IPO11: variants seen among roughly 807,000 people sequenced by gnomAD.
The protein encoded by IPO11 is importin-11.
A neutral mutation model predicts 143.2 loss-of-function variants in IPO11; 66 were observed. The ratio of observed to expected loss-of-function variants is 0.46; its 90% CI spans 0.38 to 0.57. The LOEUF (loss-of-function observed/expected upper bound fraction) is 0.57. Among genes scored for constraint, IPO11 ranks in the 20% least tolerant of loss-of-function variants. The pLI, the probability that IPO11 is intolerant of heterozygous loss-of-function variation, is 0.00. For synonymous variants in IPO11, 385 were observed against 377.8 expected, an observed-to-expected ratio of 1.02 and a Z score of -0.22; for missense variants, 1,026 against 1,141.0, an observed-to-expected ratio of 0.90 and a Z score of 1.45.
intron 6 of IPO11, among the ~76,000 whole-genome samples, chr5:62,469,181 A>G (rs921342737): frequency 6.6e-6 from 1 of 152,170 alleles, no homozygotes; most frequent in African/African-American, 2.4e-5. Flanking sequence ...CCTCTCAGGT[A>G]TTGTGGCTCA....
chr5:62,415,649 G>A (rs1365202277), intron 1 of IPO11, among the ~76,000 whole-genome samples: 1 of 151,440 alleles, frequency 6.6e-6, no homozygotes, highest in Non-Finnish European at 1.5e-5. Flanking sequence ...TGTATTTTTA[G>A]TAGAGACGGG....
intron 6 of IPO11, among the ~76,000 whole-genome samples, chr5:62,467,717 A>T (rs2112193991): frequency 6.6e-6 from 1 of 152,194 alleles, no homozygotes; most frequent in African/African-American, 2.4e-5. Context: ...GGATTTCAGA[A>T]GGTGCTTTAT....
intron 29 of IPO11, 29 bp downstream of exon 29, chr5:62,601,877 TAAG>T: frequency 4.4e-6 from 6 of 1,359,394 alleles, no homozygotes; most frequent in Non-Finnish European, 6.1e-6. Context: ...TTGTAAAAAT[TAAG>T]AACCATATAT....
At chr5:62,445,254 C>G (rs1312740100) in intron 3 of IPO11, among the ~76,000 whole-genome samples, 2 of 152,120 alleles carry the variant, frequency 1.3e-5, no homozygotes, top group Admixed American at 1.3e-4. Context: ...TGAGAATTAA[C>G]TAACAAGCTT....
At chr5:62,491,751 T>C (rs1406090418) in intron 15 of IPO11, among the ~76,000 whole-genome samples, 4 of 151,216 alleles carry the variant, frequency 2.6e-5, no homozygotes, top group Non-Finnish European at 5.9e-5. Flanking sequence ...CTGCAAGCTC[T>C]GCCTCCCGGG....
At chr5:62,529,858 C>G (rs1346537394) in intron 21 of IPO11, among the ~76,000 whole-genome samples, 1 of 151,700 alleles carries the variant, frequency 6.6e-6, no homozygotes, top group Admixed American at 6.5e-5. Flanking sequence ...TCACACACTT[C>G]TCTGATAACC....
intron 5 of IPO11, among the ~76,000 whole-genome samples, chr5:62,452,242 C>G (rs1744959854): frequency 6.8e-6 from 1 of 147,644 alleles, no homozygotes; most frequent in Non-Finnish European, 1.5e-5. Context: ...GAGACTCCGT[C>G]TCAAAAAAAA....
At chr5:62,470,973 A>G (rs1278059951) in intron 7 of IPO11, among the ~76,000 whole-genome samples, 2 of 151,316 alleles carry the variant, frequency 1.3e-5, no homozygotes, top group African/African-American at 2.4e-5. Flanking sequence ...GATTACAGGC[A>G]TGCACCACCA....
intron 27 of IPO11, among the ~76,000 whole-genome samples, chr5:62,574,593 C>T (rs1403796475): frequency 6.6e-6 from 1 of 152,144 alleles, no homozygotes; most frequent in Non-Finnish European, 1.5e-5. Context: ...TCTAATCCAT[C>T]TCTGCTAGCT....
At chr5:62,526,952 A>G (rs7707674) in intron 21 of IPO11, among the ~76,000 whole-genome samples, 43 of 152,236 alleles carry the variant, frequency 2.8e-4, no homozygotes, top group African/African-American at 1.0e-3. Flanking sequence ...AGAAATGAAC[A>G]TTTGATTCTC....
At chr5:62,513,697 C>A (rs1281773437) in intron 19 of IPO11, among the ~76,000 whole-genome samples, 1 of 144,490 alleles carries the variant, frequency 6.9e-6, no homozygotes, top group East Asian at 2.1e-4. Flanking sequence ...GCTGAGCCCC[C>A]CACCCCCGGA....
intron 12 of IPO11, among the ~76,000 whole-genome samples, chr5:62,486,196 G>A (rs1237849316): frequency 6.6e-6 from 1 of 151,862 alleles, no homozygotes; most frequent in Non-Finnish European, 1.5e-5. Context: ...TAGCCAGGTT[G>A]GTCTCGATCT....
intron 29 of IPO11, among the ~76,000 whole-genome samples, chr5:62,605,977 C>G (rs1745699183): frequency 6.6e-6 from 1 of 152,102 alleles, no homozygotes; most frequent in African/African-American, 2.4e-5. Context: ...GAGATCCTCC[C>G]TTGTCAGCCT....
intron 29 of IPO11, among the ~76,000 whole-genome samples, chr5:62,616,499 C>G (rs111639197): frequency 0.078 from 11,925 of 151,930 alleles, 708 homozygotes; most frequent in East Asian, 0.25. Flanking sequence ...TTTGGGAGGT[C>G]GAGGCGGGTG....
chr5:62,441,181 C>G (rs1445847844), intron 2 of IPO11, among the ~76,000 whole-genome samples: 5 of 151,978 alleles, frequency 3.3e-5, no homozygotes, highest in Admixed American at 1.3e-4. Context: ...TGAGATTATT[C>G]ACATCACATG....
chr5:62,533,032 A>G (rs1228345013), intron 22 of IPO11, among the ~76,000 whole-genome samples: 1 of 152,156 alleles, frequency 6.6e-6, no homozygotes, highest in African/African-American at 2.4e-5. Flanking sequence ...TGTTCAAACA[A>G]AAAAGATAAA....
At chr5:62,489,673 G>C (rs1456527020) in intron 14 of IPO11, among the ~76,000 whole-genome samples, 1 of 152,066 alleles carries the variant, frequency 6.6e-6, no homozygotes, top group Non-Finnish European at 1.5e-5. Flanking sequence ...TTGCATTCCA[G>C]GGAGATGGAG....
In IPO11 at chr5:62,616,360, C is replaced by G. The variant is rs368265013; in HGVS notation, c.2764-10794C>G. On this transcript the variant is annotated intron_variant, in intron 29 of 29. Transcript: ENST00000325324. ...ATCTTTTCTTGCCAAAAGTTTTCTA[C>G]TCTTTCTGAAGATTCCTCAATAAAT... is the stretch of plus-strand genomic sequence containing the variant. Among the ~76,000 whole-genome samples the G allele has an allele frequency of 2.0e-5, 3 of 152,152 alleles. No individual in the cohort carries two copies. In the South Asian group the frequency reaches 6.2e-4, roughly 32 times the overall value.
In IPO11 at chr5:62,474,459, A is replaced by G; in HGVS notation, c.752A>G (p.Glu251Gly). 1 of 1,577,984 alleles carries G rather than the reference A, an allele frequency of 6.3e-7. No homozygotes were observed. ...TTTGAACGTCTAAAACAGTTTCTGG[A>G]ATGCAGTAAGTACTTTCGTTGCAGT... ...GIFERLKQFLECSRSIGTDNV... is the reference protein window; with the variant it reads ...GIFERLKQFLGCSRSIGTDNV... The change falls in exon 8 of 30, where the codon GAA becomes GGA. Residue 251 changes from glutamate (E) to glycine (G), a missense_variant. Coordinates refer to ENST00000325324, the MANE Select transcript of IPO11 (RefSeq NM_016338.5).
Sources: gnomAD v4.1 joint callset for allele counts (sites outside exome capture counted in the v4.1 genomes callset) on GRCh38, gnomAD v4.1.1 for gene constraint, MANE v1.5 for transcripts, NCBI Gene and HGNC (gene_info 2026-07-23, HGNC 2026-07-21) for gene names.